Variants in PSME4 observed in about 807,000 individuals in gnomAD.
PSME4 encodes the protein proteasome activator subunit 4, also known as proteasome activator complex subunit 4.
A neutral mutation model predicts 253.9 loss-of-function variants in PSME4; 89 were observed. The observed-to-expected ratio is 0.35, with a 90% CI of 0.30 to 0.42. The LOEUF is 0.42. PSME4 is among the 10% of genes least tolerant of loss of function. The pLI, the probability that PSME4 is intolerant of heterozygous loss-of-function variation, is 1.00. For synonymous variants in PSME4, 851 were observed against 759.2 expected, an observed-to-expected ratio of 1.12 and a Z score of -1.99; for missense variants, 2,014 against 2,195.2, an observed-to-expected ratio of 0.92 and a Z score of 1.65.
rs977342334 is a variant in PSME4 at position 53,869,610 on chromosome 2, G to A, written c.5101-72C>T. On this transcript the variant is annotated intron_variant, in intron 43 of 46. Transcript: ENST00000404125. ...GGAATAATGGAGGATAGGGGGTAGT[G>A]TGGGAACTGGGGTGAAGACCTTCCC... 9 of 1,274,822 alleles carry A rather than the reference G, an allele frequency of 7.1e-6. No homozygotes were observed. In the Admixed American group the frequency reaches 1.8e-4, roughly 26 times the overall value. 79.0% of individuals were successfully genotyped at this position (1,274,822 alleles called of 1,614,324 possible). A position where few individuals can be genotyped will look rare whatever the true frequency, so the allele number is the denominator to read the frequency against.
rs982634478 is a variant in PSME4, at chr2:53,864,716, CAAAAT to C, written c.*857_*861del. The stretch of plus-strand genomic sequence containing the variant: ...ATTAGTCTCTCAACGATTCTGCAGG[CAAAAT>C]AAAAAGGGAGAGAGAATAAAATAAA... On this transcript the variant is annotated 3_prime_UTR_variant, in exon 47 of 47. Transcript: ENST00000404125. The C allele has an allele frequency of 1.4e-4, 22 of 152,062 alleles. No individual in the cohort carries two copies. Among genetic ancestry groups the C allele is most frequent in the African/African-American group, 5.1e-4 (21 of 41,328 alleles). 9.4% of individuals were successfully genotyped at this position (152,062 alleles called of 1,614,324 possible). A position where few individuals can be genotyped will look rare whatever the true frequency, so the allele number is the denominator to read the frequency against.
intron 20 of PSME4, among the ~76,000 whole-genome samples, chr2:53,915,983 G>C (rs899826787): frequency 6.6e-6 from 1 of 152,146 alleles, no homozygotes; most frequent in African/African-American, 2.4e-5. Context: ...TGTGAGGCAG[G>C]ATAATCGCTT....
chr2:53,912,271 A>G (rs1667859499), intron 20 of PSME4, among the ~76,000 whole-genome samples: 1 of 152,082 alleles, frequency 6.6e-6, no homozygotes, highest in Non-Finnish European at 1.5e-5. Flanking sequence ...GTATGAATGT[A>G]TTTTGGTATG....
chr2:53,948,254 C>T (rs1424589354), intron 3 of PSME4, among the ~76,000 whole-genome samples, 167 bp downstream of exon 3: 1 of 152,156 alleles, frequency 6.6e-6, no homozygotes, highest in Non-Finnish European at 1.5e-5. Context: ...GCCTCAGATA[C>T]AGTTTATAGA....
At chr2:53,866,268 C>T (rs1323921953) in intron 45 of PSME4, 45 bp from the exon 46 acceptor site, 1 of 1,597,768 alleles carries the variant, frequency 6.3e-7, no homozygotes, top group African/African-American at 1.3e-5. Context: ...CTCTGGACAA[C>T]CAGGATCATA....
At chr2:53,909,186 T>C (rs1305153834) in intron 21 of PSME4, among the ~76,000 whole-genome samples, 2 of 151,620 alleles carry the variant, frequency 1.3e-5, no homozygotes, top group African/African-American at 4.8e-5. Context: ...CTCTAGTCAC[T>C]AATTAGAGAT....
chr2:53,934,163 C>A (rs569931604), intron 8 of PSME4, among the ~76,000 whole-genome samples: 349 of 152,190 alleles, frequency 2.3e-3, no homozygotes, highest in Middle Eastern at 6.8e-3. Flanking sequence ...ATGATGTCAA[C>A]AAAGTAATCC....
chr2:53,878,802 T>C (rs1679250843), intron 41 of PSME4, among the ~76,000 whole-genome samples: 1 of 152,234 alleles, frequency 6.6e-6, no homozygotes, highest in Non-Finnish European at 1.5e-5. Context: ...TCAATGACAA[T>C]GTGTGCCCGA....
chr2:53,917,420 T>G (rs1017154940), intron 20 of PSME4: 1 of 152,222 alleles, frequency 6.6e-6, no homozygotes, highest in African/African-American at 2.4e-5. Context: ...ATGAAGCTTT[T>G]GTCATGATGC....
At chr2:53,898,393 T>A (rs754005387) in intron 29 of PSME4, 39 bp from the exon 30 acceptor site, 1 of 1,379,290 alleles carries the variant, frequency 7.3e-7, no homozygotes, top group Non-Finnish European at 1.0e-6. Flanking sequence ...ACTATAATAC[T>A]AAAATGAACA....
chr2:53,944,847 A>G (rs1669629313), intron 3 of PSME4, among the ~76,000 whole-genome samples: 1 of 152,218 alleles, frequency 6.6e-6, no homozygotes, highest in Non-Finnish European at 1.5e-5. Context: ...CAATAGAGAA[A>G]CAAATGCCAT....
chr2:53,875,271 T>C (rs1679067426), intron 42 of PSME4, among the ~76,000 whole-genome samples: 1 of 152,216 alleles, frequency 6.6e-6, no homozygotes, highest in African/African-American at 2.4e-5. Context: ...ACAGTCAGTA[T>C]AGGTCTCTCT....
At chr2:53,869,793 AAAT>A in intron 43 of PSME4, 1 of 262,290 alleles carries the variant, frequency 3.8e-6, no homozygotes, top group Non-Finnish European at 7.2e-6. Flanking sequence ...ATTTCTCCAT[AAAT>A]TATTTTCCCT....
intron 5 of PSME4, 68 bp from the exon 6 acceptor site, chr2:53,936,895 G>C: frequency 9.3e-7 from 1 of 1,071,780 alleles, no homozygotes; most frequent in Middle Eastern, 2.1e-4. Flanking sequence ...GCTATGCTTT[G>C]TCTTTTTTAT....
chr2:53,948,521 A>G lies in PSME4; in HGVS notation c.400T>C (p.Ser134Pro), dbSNP rs1252053175. 6.2e-7 allele frequency: 1 copy of G among 1,610,662 alleles called. No homozygotes were observed. The highest frequency in any genetic ancestry group is 1.7e-5 in the Admixed American group (1 of 59,988). Residue 134 changes from serine to proline, a missense_variant, in exon 3 of 47, where the codon TCA becomes CCA. By Grantham distance (74) the Ser-to-Pro change is moderately conservative (BLOSUM62 -1). Transcript: ENST00000404125. ...INLLKKKELL[S>P]RADLELPWRP... ...CAGGGTAACTCCAAATCAGCTCTTG[A>G]AAGAAGTTCCTTTTTCCTAAAAAGT...
intron 12 of PSME4, among the ~76,000 whole-genome samples, chr2:53,926,618 C>T (rs911668116): frequency 1.5e-4 from 23 of 152,050 alleles, no homozygotes; most frequent in African/African-American, 4.8e-4. Context: ...GAGGCAGAGG[C>T]TGCAGTGAGC....
At chr2:53,958,405 C>CA (rs933783590) in intron 1 of PSME4, among the ~76,000 whole-genome samples, 27 of 151,504 alleles carry the variant, frequency 1.8e-4, no homozygotes, top group Middle Eastern at 3.4e-3. Flanking sequence ...AACTAAGCCA[C>CA]AAAAAAAACC....
intron 33 of PSME4, 130 bp from the exon 34 acceptor site, chr2:53,895,206 GTAA>G: frequency 1.4e-6 from 1 of 722,542 alleles, no homozygotes; most frequent in Non-Finnish European, 2.3e-6. Context: ...GAGTACAGCA[GTAA>G]CAGTCTAGGC....
At chr2:53,880,500 C>G (rs1679332656) in intron 41 of PSME4, among the ~76,000 whole-genome samples, 2 of 152,068 alleles carry the variant, frequency 1.3e-5, no homozygotes, top group South Asian at 4.2e-4. Flanking sequence ...CAAATATGCT[C>G]ACATGTGCAA....
Sources: allele counts gnomAD v4.1 joint callset (sites outside exome capture counted in the v4.1 genomes callset), GRCh38; gene constraint gnomAD v4.1.1; transcripts MANE v1.5; gene names NCBI Gene and HGNC (gene_info 2026-07-23, HGNC 2026-07-21).